PRKCE: variants seen among roughly 807,000 people sequenced by gnomAD.
The protein encoded by PRKCE is protein kinase C epsilon, also known as protein kinase C epsilon type.
A neutral mutation model predicts 85.4 loss-of-function variants in PRKCE; 16 were observed. That is an observed-to-expected ratio of 0.19 (90% CI 0.13 to 0.28). The LOEUF (loss-of-function observed/expected upper bound fraction) is 0.28. PRKCE is among the 10% of genes least tolerant of loss of function. The probability of loss-of-function intolerance (pLI) is 1.00; values close to 1 mark genes in which losing one functional copy is unlikely to be tolerated. For missense variants in PRKCE, 573 were observed against 975.2 expected, an observed-to-expected ratio of 0.59 and a Z score of 5.49; for synonymous variants, 388 against 371.5, an observed-to-expected ratio of 1.04 and a Z score of -0.51.
At chr2:46,165,388 G>T (rs1319077205) in intron 14 of PRKCE, among the ~76,000 whole-genome samples, 1 of 152,214 alleles carries the variant, frequency 6.6e-6, no homozygotes, top group Non-Finnish European at 1.5e-5. Flanking sequence ...TTTTCCGGGG[G>T]TGGCTTGCTT....
intron 2 of PRKCE, among the ~76,000 whole-genome samples, chr2:45,917,955 C>A (rs1471735083): frequency 2.0e-5 from 3 of 152,182 alleles, no homozygotes; most frequent in Non-Finnish European, 1.5e-5. Flanking sequence ...GGGCCGGCGG[C>A]CGGCTGCTCC....
chr2:46,101,743 A>T (rs1201021324), intron 11 of PRKCE, among the ~76,000 whole-genome samples: 2 of 151,968 alleles, frequency 1.3e-5, no homozygotes, highest in African/African-American at 4.8e-5. Context: ...AGATGACTAA[A>T]CTGAAACTCA....
chr2:45,942,792 A>G (rs1699978051), intron 2 of PRKCE, among the ~76,000 whole-genome samples: 1 of 152,206 alleles, frequency 6.6e-6, no homozygotes, highest in African/African-American at 2.4e-5. Flanking sequence ...TATGTTTATT[A>G]TAGTACACAT....
rs780808262 is a variant in PRKCE at position 45,679,267 on chromosome 2, C to G, written c.348+26819C>G. On this transcript the variant is annotated intron_variant, in intron 1 of 14. Coordinates refer to ENST00000306156, the MANE Select transcript of PRKCE (RefSeq NM_005400.3). ...ACGAAACTACAGGCACACATATACTCAAAAGAATACACAGTATTGGAAGCC... is the reference window on the plus strand; with the variant it reads ...ACGAAACTACAGGCACACATATACTGAAAAGAATACACAGTATTGGAAGCC... Among the ~76,000 whole-genome samples, 13 of 152,154 alleles carry G rather than the reference C, an allele frequency of 8.5e-5. 1 individual carries two copies. The highest frequency in any genetic ancestry group is 1.3e-4 in the Non-Finnish European group (9 of 68,032).
intron 1 of PRKCE, among the ~76,000 whole-genome samples, chr2:45,793,981 A>G (rs1322237348): frequency 6.6e-6 from 1 of 152,174 alleles, no homozygotes; most frequent in African/African-American, 2.4e-5. Flanking sequence ...ATCCACAGCA[A>G]TCCCACATCT....
intron 11 of PRKCE, among the ~76,000 whole-genome samples, chr2:46,132,401 G>A (rs553364388): frequency 3.9e-5 from 6 of 152,254 alleles, no homozygotes; most frequent in Admixed American, 2.6e-4. Flanking sequence ...CAGCATGCAC[G>A]AGCTGAACTG....
intron 1 of PRKCE, among the ~76,000 whole-genome samples, chr2:45,669,479 G>T (rs975156777): frequency 1.3e-5 from 2 of 152,224 alleles, no homozygotes; most frequent in Non-Finnish European, 2.9e-5. Context: ...CGTGGCTGAA[G>T]CCTCTGCTCT....
At chr2:45,861,256 G>A (rs571673746) in intron 2 of PRKCE, among the ~76,000 whole-genome samples, 6 of 152,116 alleles carry the variant, frequency 3.9e-5, no homozygotes, top group South Asian at 2.1e-4. Flanking sequence ...AACCTCCACA[G>A]GCAATCCTTG....
chr2:45,991,298 C>T (rs1467116534), intron 6 of PRKCE, among the ~76,000 whole-genome samples: 4 of 152,188 alleles, frequency 2.6e-5, no homozygotes, highest in East Asian at 1.9e-4. Context: ...TGAGCCACCA[C>T]GCCAGACCTT....
intron 1 of PRKCE, among the ~76,000 whole-genome samples, chr2:45,761,133 T>C (rs113007018): frequency 0.027 from 4,116 of 152,012 alleles, 182 homozygotes; most frequent in African/African-American, 0.092. Flanking sequence ...TGAGACCATC[T>C]TGGCTAACAC....
intron 10 of PRKCE, among the ~76,000 whole-genome samples, chr2:46,055,311 C>T (rs1057417965): frequency 6.6e-6 from 1 of 152,226 alleles, no homozygotes; most frequent in Non-Finnish European, 1.5e-5. Context: ...ACCTGCTCAC[C>T]TGTGCTCCCC....
chr2:45,848,657 G>T (rs1691994296), intron 2 of PRKCE, among the ~76,000 whole-genome samples: 2 of 152,214 alleles, frequency 1.3e-5, no homozygotes, highest in Admixed American at 1.3e-4. Context: ...TCTGTGCTGG[G>T]TTTGGGGAAT....
At chr2:45,797,627 A>G (rs1029781244) in intron 1 of PRKCE, among the ~76,000 whole-genome samples, 4 of 152,222 alleles carry the variant, frequency 2.6e-5, no homozygotes, top group African/African-American at 9.7e-5. Flanking sequence ...GAACATTTAA[A>G]CTGACCTGTC....
intron 2 of PRKCE, among the ~76,000 whole-genome samples, chr2:45,898,735 G>C (rs1056924895): frequency 6.6e-6 from 1 of 152,158 alleles, no homozygotes; most frequent in African/African-American, 2.4e-5. Flanking sequence ...TAGAGAGAGG[G>C]ATTTGAATAC....
chr2:45,979,846 C>T (rs947039362), intron 4 of PRKCE, among the ~76,000 whole-genome samples: 59 of 152,126 alleles, frequency 3.9e-4, no homozygotes, highest in African/African-American at 1.2e-3. Context: ...CAGGACACAA[C>T]CAGATAAAAA....
chr2:46,135,177 A>T (rs1674836668), intron 11 of PRKCE, among the ~76,000 whole-genome samples: 1 of 152,226 alleles, frequency 6.6e-6, no homozygotes, highest in Admixed American at 6.5e-5. Flanking sequence ...TTGAGAGGAC[A>T]TCTATTTGAT....
intron 6 of PRKCE, 56 bp downstream of exon 6, chr2:45,984,736 G>A (rs1390320724): frequency 6.4e-7 from 1 of 1,562,776 alleles, no homozygotes; most frequent in Non-Finnish European, 8.7e-7. Context: ...CTTGCTGCCT[G>A]CCCCCATCCC....
chr2:45,988,212 G>T lies in PRKCE; in HGVS notation c.823+3532G>T, dbSNP rs567167501. ...CATCTATTTGGCCTGCTGCCCTATG[G>T]CTTCAGCTTTTTTGCCATTCCCGTT... On this transcript the variant is annotated intron_variant, in intron 6 of 14. Transcript: ENST00000306156. Among the ~76,000 whole-genome samples the T allele has an allele frequency of 6.1e-4, 93 of 152,332 alleles. 1 individual carries two copies. The highest frequency in any genetic ancestry group is 2.2e-3 in the African/African-American group (92 of 41,572).
intron 4 of PRKCE, 55 bp downstream of exon 4, chr2:45,979,065 C>G (rs970048711): frequency 3.2e-6 from 5 of 1,541,156 alleles, no homozygotes; most frequent in Middle Eastern, 1.7e-4. Context: ...ATCCAGATCA[C>G]TGGCACCCAT....
Sources: allele counts gnomAD v4.1 joint callset (sites outside exome capture counted in the v4.1 genomes callset), GRCh38; gene constraint gnomAD v4.1.1; transcripts MANE v1.5; gene names NCBI Gene and HGNC (gene_info 2026-07-23, HGNC 2026-07-21).